Variants in FHAD1 observed in about 807,000 individuals in gnomAD.
The protein encoded by FHAD1 is forkhead associated phosphopeptide binding domain 1.
A neutral mutation model predicts 191.3 loss-of-function variants in FHAD1; 146 were observed. The ratio of observed to expected loss-of-function variants is 0.76; its 90% CI spans 0.67 to 0.88. FHAD1 has a LOEUF of 0.88. FHAD1 is among the 40% of genes least tolerant of loss of function. The probability of loss-of-function intolerance (pLI) is 0.00; values close to 1 mark genes in which losing one functional copy is unlikely to be tolerated. For synonymous variants in FHAD1, 616 were observed against 672.3 expected (o/e 0.92, Z 1.29); for missense variants, 1,635 against 1,785.8 (o/e 0.92, Z 1.52).
chr1:15,340,867 A>G (rs149414816), intron 15 of FHAD1, among the ~76,000 whole-genome samples: 1 of 152,298 alleles, frequency 6.6e-6, no homozygotes, highest in East Asian at 1.9e-4. Context: ...TGGACATGAT[A>G]AGCATGGCAC....
intron 28 of FHAD1, 68 bp downstream of exon 28, chr1:15,375,798 G>T (rs1699408433): frequency 3.5e-6 from 5 of 1,446,538 alleles, no homozygotes; most frequent in Non-Finnish European, 4.6e-6. Context: ...GCAGACACTA[G>T]CTTCGTTCCC....
chr1:15,294,058 G>A (rs895771094), intron 4 of FHAD1, among the ~76,000 whole-genome samples: 27 of 152,264 alleles, frequency 1.8e-4, no homozygotes, highest in South Asian at 4.2e-4. Context: ...TCCCTGATGC[G>A]GAGAGGGGCT....
intron 3 of FHAD1, among the ~76,000 whole-genome samples, chr1:15,283,504 T>C (rs937703344): frequency 6.6e-6 from 1 of 152,234 alleles, no homozygotes; most frequent in Admixed American, 6.5e-5. Flanking sequence ...GGCTAAGTTT[T>C]AAGTATTTAT....
At chr1:15,353,109 C>G in intron 20 of FHAD1, 125 bp downstream of exon 20, 1 of 659,406 alleles carries the variant, frequency 1.5e-6, no homozygotes, top group Non-Finnish European at 2.7e-6. Context: ...CAGGCTAGTA[C>G]CTTACCATCT....
At chr1:15,250,558 G>A (rs1557912075) in intron 1 of FHAD1, among the ~76,000 whole-genome samples, 1 of 152,200 alleles carries the variant, frequency 6.6e-6, no homozygotes, top group Non-Finnish European at 1.5e-5. Context: ...ACATGGCTGA[G>A]CTATAATCTT....
At chr1:15,246,775 C>A (rs1216564374), upstream of FHAD1, among the ~76,000 whole-genome samples, 14 of 152,084 alleles carry the variant, frequency 9.2e-5, no homozygotes, top group African/African-American at 3.1e-4. Flanking sequence ...TCATTCCACC[C>A]CATCCCTTTC....
chr1:15,299,620 CA>C (rs1668100524), intron 5 of FHAD1, among the ~76,000 whole-genome samples: 1 of 152,210 alleles, frequency 6.6e-6, no homozygotes, highest in African/African-American at 2.4e-5. Context: ...GTGGAAGGGT[CA>C]GGGGTGCTCC....
intron 3 of FHAD1, among the ~76,000 whole-genome samples, chr1:15,287,633 T>G (rs1017877675): frequency 1.3e-5 from 2 of 152,214 alleles, no homozygotes; most frequent in Non-Finnish European, 2.9e-5. Context: ...AAGGGGATTT[T>G]GGGAACTACA....
At chr1:15,366,602 C>T (rs1220328758) in intron 24 of FHAD1, among the ~76,000 whole-genome samples, 2 of 152,188 alleles carry the variant, frequency 1.3e-5, no homozygotes, top group Admixed American at 1.3e-4. Flanking sequence ...TTGCACAAGC[C>T]CCGGCACTCA....
rs1232713149 is a variant in FHAD1 at position 15,264,542 on chromosome 1, G to GTA, written c.94-7775_94-7774dup. ...ATTTATTATGAATTCAGTGTTATAT[G>GTA]TATATATGTGTGTGTGTGTGTGTGT... On this transcript the variant is annotated intron_variant, in intron 2 of 33. Coordinates refer to ENST00000688493, the MANE Select transcript of FHAD1 (RefSeq NM_001391957.1). 4.8e-3 allele frequency among the ~76,000 whole-genome samples: 642 copies of GTA among 134,938 alleles called. 7 individuals are homozygous for GTA. The highest frequency in any genetic ancestry group is 0.018 in the African/African-American group (616 of 33,800). 88.5% of individuals were successfully genotyped at this position (134,938 alleles called of 152,430 possible). A position where few individuals can be genotyped will look rare whatever the true frequency, so the allele number is the denominator to read the frequency against.
At chr1:15,236,807 C>G (rs1472248222) in intron 1 of FHAD1, among the ~76,000 whole-genome samples, 1 of 152,164 alleles carries the variant, frequency 6.6e-6, no homozygotes, top group Non-Finnish European at 1.5e-5. Context: ...TTGAACTGGG[C>G]TCTGATATGG....
chr1:15,261,918 A>C (rs1189586364), intron 2 of FHAD1, among the ~76,000 whole-genome samples: 2 of 152,220 alleles, frequency 1.3e-5, no homozygotes, highest in East Asian at 3.9e-4. Context: ...AGATCACTCG[A>C]GCCCAGGGGT....
chr1:15,324,047 A>C (rs1331483295), intron 10 of FHAD1, among the ~76,000 whole-genome samples: 1 of 152,200 alleles, frequency 6.6e-6, no homozygotes, highest in African/African-American at 2.4e-5. Context: ...ACACTTATAG[A>C]GCCCTTACGA....
At position 15,392,176 on chromosome 1, in the gene FHAD1, A is replaced by C. The variant is rs555449479; in HGVS notation, c.4323+913A>C. ...CCTCCAGCCACAGCTTGAGAAAAAA[A>C]ATCCATTTTTCTCTGATGCAAGAGG... On this transcript the variant is annotated intron_variant, in intron 33 of 33. Transcript: ENST00000688493. Among the ~76,000 whole-genome samples, 218 of 152,274 alleles carry C rather than the reference A, an allele frequency of 1.4e-3. 2 individuals are homozygous for C. Among genetic ancestry groups the C allele is most frequent in the Admixed American group, 0.011 (168 of 15,294 alleles).
chr1:15,269,410 C>T (rs1309463971), intron 2 of FHAD1, among the ~76,000 whole-genome samples: 1 of 152,140 alleles, frequency 6.6e-6, no homozygotes, highest in Non-Finnish European at 1.5e-5. Flanking sequence ...AGATTTCTTC[C>T]TTCACCGTGT....
At chr1:15,292,901 G>A (rs1423554357) in intron 4 of FHAD1, among the ~76,000 whole-genome samples, 1 of 152,176 alleles carries the variant, frequency 6.6e-6, no homozygotes, top group East Asian at 1.9e-4. Context: ...ACCAGCTGGG[G>A]AAACACAGCA....
In FHAD1 at chr1:15,360,656, A is replaced by G. The variant is rs907478954; in HGVS notation, c.2915A>G (p.His972Arg). 3.2e-6 allele frequency: 5 copies of G among 1,551,904 alleles called. No homozygotes were observed. The African/African-American group carries it at 6.8e-5, about 21-fold the overall frequency. ...AAACTCCAGAAAGTCACTCAGCACC[A>G]TAAAAAAATAGAAGGCGAGATTGCA... ...EEKLQKVTQH[H>R]KKIEGEIATL... is the part of the protein sequence containing the mutation. The change falls in exon 22 of 34, where the codon CAT becomes CGT. Residue 972 changes from histidine to arginine, a missense_variant. Transcript: ENST00000688493.
chr1:15,336,870 T>A (rs965598721), intron 14 of FHAD1, among the ~76,000 whole-genome samples: 14 of 152,296 alleles, frequency 9.2e-5, no homozygotes, highest in African/African-American at 3.4e-4. Context: ...GCGCTCTGCT[T>A]CCCTCCTGAT....
intron 2 of FHAD1, among the ~76,000 whole-genome samples, chr1:15,257,008 A>G (rs980500227): frequency 6.6e-6 from 1 of 152,138 alleles, no homozygotes. Context: ...GAACCATCCA[A>G]CCCAATGAGT....
Sources: gnomAD v4.1 joint callset for allele counts (sites outside exome capture counted in the v4.1 genomes callset) on GRCh38, gnomAD v4.1.1 for gene constraint, MANE v1.5 for transcripts, NCBI Gene and HGNC (gene_info 2026-07-23, HGNC 2026-07-21) for gene names.